ZCWPW2: variants seen among roughly 807,000 people sequenced by gnomAD.
ZCWPW2 encodes zinc finger CW-type and PWWP domain containing 2, also known as zinc finger CW-type PWWP domain protein 2.
In ZCWPW2, 45 loss-of-function variants were observed where a neutral mutation model predicts 46.6. The observed-to-expected ratio is 0.96, with a 90% CI of 0.76 to 1.24. The LOEUF (loss-of-function observed/expected upper bound fraction) is 1.24. Among genes scored for constraint, ZCWPW2 ranks in the 50% most tolerant of loss-of-function variants. ZCWPW2 has a pLI of 0.00. For missense variants in ZCWPW2, 429 were observed against 403.9 expected (o/e 1.06, Z -0.53); for synonymous variants, 152 against 137.1 (o/e 1.11, Z -0.76).
chr3:28,517,694 A>G (rs1278067932), intron 8 of ZCWPW2, among the ~76,000 whole-genome samples: 2 of 152,212 alleles, frequency 1.3e-5, no homozygotes, highest in Non-Finnish European at 2.9e-5. Context: ...AACATTTAAT[A>G]GATAAGTCGA....
At chr3:28,391,527 G>A (rs529497170) in intron 2 of ZCWPW2, among the ~76,000 whole-genome samples, 1 of 152,198 alleles carries the variant, frequency 6.6e-6, no homozygotes, top group African/African-American at 2.4e-5. Flanking sequence ...TGCAGAAATG[G>A]GCATACCTGA....
intron 2 of ZCWPW2, among the ~76,000 whole-genome samples, chr3:28,408,366 T>C (rs35924428): frequency 0.026 from 3,923 of 152,314 alleles, 80 homozygotes; most frequent in Non-Finnish European, 0.038. Flanking sequence ...TCCTACATGA[T>C]TGAGTGACAG....
chr3:28,502,361 T>C (rs565321760), intron 6 of ZCWPW2, among the ~76,000 whole-genome samples: 1 of 152,202 alleles, frequency 6.6e-6, no homozygotes, highest in African/African-American at 2.4e-5. Flanking sequence ...CCGGTGCAGA[T>C]TATTGTATTT....
intron 4 of ZCWPW2, among the ~76,000 whole-genome samples, chr3:28,440,002 T>C (rs953491280): frequency 2.0e-5 from 3 of 152,172 alleles, no homozygotes; most frequent in African/African-American, 7.2e-5. Context: ...CCTGGTGAAG[T>C]GACCAAAACC....
At chr3:28,402,439 A>G (rs946503343) in intron 2 of ZCWPW2, among the ~76,000 whole-genome samples, 1 of 152,064 alleles carries the variant, frequency 6.6e-6, no homozygotes, top group Non-Finnish European at 1.5e-5. Context: ...AATTAAGTCC[A>G]GGATGAGGCA....
chr3:28,506,574 T>C (rs1700285025), intron 6 of ZCWPW2, among the ~76,000 whole-genome samples: 1 of 152,086 alleles, frequency 6.6e-6, no homozygotes, highest in African/African-American at 2.4e-5. Flanking sequence ...CCTTAGAATA[T>C]GACCTTGTTT....
intron 2 of ZCWPW2, among the ~76,000 whole-genome samples, chr3:28,397,476 C>A (rs1695748237): frequency 6.6e-6 from 1 of 152,122 alleles, no homozygotes. Flanking sequence ...TTGAGACCAG[C>A]CTAGCCAACA....
intron 4 of ZCWPW2, among the ~76,000 whole-genome samples, chr3:28,474,496 G>A (rs1196663386): frequency 6.6e-6 from 1 of 151,280 alleles, no homozygotes; most frequent in Non-Finnish European, 1.5e-5. Flanking sequence ...AATAAATAGG[G>A]GTACATATAT....
chr3:28,438,308 C>T (rs958188937), intron 4 of ZCWPW2, among the ~76,000 whole-genome samples: 3 of 152,142 alleles, frequency 2.0e-5, no homozygotes, highest in African/African-American at 4.8e-5. Context: ...GGCTGGCACC[C>T]TTTTGCACCA....
intron 1 of ZCWPW2, among the ~76,000 whole-genome samples, chr3:28,373,595 C>T (rs576317994): frequency 6.6e-6 from 1 of 152,174 alleles, no homozygotes; most frequent in East Asian, 1.9e-4. Context: ...CCTGCCTCAG[C>T]CTCCCAAATA....
intron 4 of ZCWPW2, among the ~76,000 whole-genome samples, chr3:28,458,276 C>A (rs1026328800): frequency 1.3e-5 from 2 of 152,178 alleles, no homozygotes; most frequent in Non-Finnish European, 2.9e-5. Flanking sequence ...CTAGTGCCTA[C>A]TTTATAAGCT....
intron 8 of ZCWPW2, among the ~76,000 whole-genome samples, chr3:28,519,608 C>A (rs1014026222): frequency 2.0e-5 from 3 of 152,130 alleles, no homozygotes; most frequent in Non-Finnish European, 4.4e-5. Flanking sequence ...TTTTCCATGA[C>A]CTTTCAGCTG....
chr3:28,517,220 G>A (rs1384939135), intron 8 of ZCWPW2, among the ~76,000 whole-genome samples: 1 of 151,950 alleles, frequency 6.6e-6, no homozygotes, highest in African/African-American at 2.4e-5. Context: ...CCAGCTTTGG[G>A]GTAACCCAAC....
intron 4 of ZCWPW2, among the ~76,000 whole-genome samples, chr3:28,474,947 G>A (rs1218013411): frequency 2.0e-5 from 3 of 152,006 alleles, no homozygotes; most frequent in Non-Finnish European, 4.4e-5. Flanking sequence ...TGCTGCCTCA[G>A]CTTCCCGAGT....
chr3:28,473,586 T>G (rs753737256), intron 4 of ZCWPW2, among the ~76,000 whole-genome samples: 4 of 152,130 alleles, frequency 2.6e-5, no homozygotes, highest in African/African-American at 4.8e-5. Context: ...CACTCTAATG[T>G]TTATTGTAGC....
intron 1 of ZCWPW2, among the ~76,000 whole-genome samples, chr3:28,354,037 T>C (rs548812351): frequency 6.6e-6 from 1 of 152,216 alleles, no homozygotes; most frequent in Non-Finnish European, 1.5e-5. Context: ...AGACGCTGTT[T>C]TAGGCACTGG....
intron 1 of ZCWPW2, among the ~76,000 whole-genome samples, chr3:28,383,701 G>A (rs1378675372): frequency 6.6e-6 from 1 of 152,054 alleles, no homozygotes; most frequent in East Asian, 1.9e-4. Context: ...AATTCTGAAC[G>A]TGGACCTCTT....
At chr3:28,487,310 T>C (rs1351033150) in intron 5 of ZCWPW2, among the ~76,000 whole-genome samples, 1 of 152,116 alleles carries the variant, frequency 6.6e-6, no homozygotes, top group Non-Finnish European at 1.5e-5. Flanking sequence ...TCTTTTCTCT[T>C]TTTCAGTTTT....
chr3:28,501,174 G>A (rs1332138676), intron 6 of ZCWPW2, among the ~76,000 whole-genome samples: 3 of 152,152 alleles, frequency 2.0e-5, no homozygotes, highest in African/African-American at 7.2e-5. Context: ...GCTCTGCTGG[G>A]ATTAGCAGAA....
Sources: gnomAD v4.1 joint callset for allele counts (sites outside exome capture counted in the v4.1 genomes callset) on GRCh38, gnomAD v4.1.1 for gene constraint, MANE v1.5 for transcripts, NCBI Gene and HGNC (gene_info 2026-07-23, HGNC 2026-07-21) for gene names.